The following LRPPRC variants were observed in gnomAD, a reference collection of about 807,000 sequenced individuals.
LRPPRC encodes leucine rich pentatricopeptide repeat containing.
LRPPRC carries 120 observed loss-of-function variants against 180.3 expected under a neutral mutation model. That is an observed-to-expected ratio of 0.67 (90% confidence interval 0.57 to 0.77). The LOEUF (loss-of-function observed/expected upper bound fraction) is 0.77, where lower values mean the gene tolerates loss of function less well. Among genes scored for constraint, LRPPRC ranks in the 30% least tolerant of loss-of-function variants. The pLI, the probability that LRPPRC is intolerant of heterozygous loss-of-function variation, is 0.00. For missense variants in LRPPRC, 2,012 were observed against 1,657.2 expected, an observed-to-expected ratio of 1.21 and a Z score of -3.72; for synonymous variants, 723 against 600.0, an observed-to-expected ratio of 1.21 and a Z score of -3.00.
chr2:43,899,242 C>T lies in LRPPRC; in HGVS notation c.3802G>A (p.Asp1268Asn), dbSNP rs1416711428. The change falls in exon 34 of 38, where the codon GAT becomes AAT. Residue 1268 changes from aspartate to asparagine, a missense_variant. By Grantham distance (23) the Asp-to-Asn change is conservative (BLOSUM62 1). Coordinates refer to ENST00000260665, the MANE Select transcript of LRPPRC (RefSeq NM_133259.4). The part of the protein sequence containing the change: ...FLQLVDAGKV[D>N]DARALLQRCG... ...ACCTGTAGGAGAGCTCTGGCATCAT[C>T]CACCTTGCCTGCATCCACAAGTTGA... The T allele has an allele frequency of 1.2e-6, 2 of 1,613,950 alleles. No individual in the cohort carries two copies. The highest frequency in any genetic ancestry group is 1.1e-5 in the South Asian group (1 of 91,074).
At chr2:43,960,667 T>A (rs768126633) in intron 12 of LRPPRC, 33 bp from the exon 13 acceptor site, 2 of 978,304 alleles carry the variant, frequency 2.0e-6, no homozygotes, top group East Asian at 2.4e-5. Context: ...TGAGAATACA[T>A]CTCAGCTAAC....
chr2:43,948,922 T>C (rs900395691), intron 16 of LRPPRC, among the ~76,000 whole-genome samples: 1 of 152,114 alleles, frequency 6.6e-6, no homozygotes, highest in Non-Finnish European at 1.5e-5. Context: ...CACATAAAAT[T>C]AGAAAGGATT....
Position 43,889,843 on chromosome 2 carries a change from A to G in LRPPRC, c.4019T>C (p.Leu1340Pro). Residue 1340 changes from leucine (L) to proline (P), a missense_variant, in exon 37 of 38, where the codon CTG (leucine) becomes CCG (proline). Coordinates refer to ENST00000260665, the MANE Select transcript of LRPPRC (RefSeq NM_133259.4). ...ATTCTTTGCAGTCAAATGTTCATAC[A>G]GTGCTTTAGCAGATGTGACATCTTT... Reference protein sequence around the residue: ...SEKDVTSAKALYEHLTAKNTK... With the variant: ...SEKDVTSAKAPYEHLTAKNTK... 1.2e-6 allele frequency: 2 copies of G among 1,609,726 alleles called. No individual in the cohort carries two copies. Among genetic ancestry groups the G allele is most frequent in the Non-Finnish European group, 1.7e-6 (2 of 1,175,898 alleles).
rs35197756 is a variant in LRPPRC at position 43,988,236 on chromosome 2, C to CAAA, written c.150-5805_150-5803dup. Among the ~76,000 whole-genome samples, 589 of 95,654 alleles carry CAAA rather than the reference C, an allele frequency of 6.2e-3. 12 individuals carry two copies. Among genetic ancestry groups the CAAA allele is most frequent in the African/African-American group, 0.01 (246 of 24,404 alleles). 62.8% of individuals were successfully genotyped at this position (95,654 alleles called of 152,430 possible). ...AGCCTGGGAGACAGAGACTCTGTCT[C>CAAA]AAAAAAAAAAAAAAAAAAAGCTGGA... On this transcript the variant is annotated intron_variant, in intron 1 of 37. Coordinates refer to ENST00000260665, the MANE Select transcript of LRPPRC (RefSeq NM_133259.4).
At chr2:43,970,564 A>C (rs953746586) in intron 11 of LRPPRC, among the ~76,000 whole-genome samples, 3 of 152,252 alleles carry the variant, frequency 2.0e-5, no homozygotes, top group Non-Finnish European at 4.4e-5. Flanking sequence ...GAACACAGAA[A>C]GTCTAAACTA....
rs1407554267 is a variant in LRPPRC at position 43,886,301 on chromosome 2, T to C, written c.*2299A>G. 2.0e-5 allele frequency among the ~76,000 whole-genome samples: 3 copies of C among 152,176 alleles called. No individual in the cohort carries two copies. The highest frequency in any genetic ancestry group is 2.9e-5 in the Non-Finnish European group (2 of 68,032). The stretch of plus-strand genomic sequence containing the variant: ...TCAAATACATGAACATATAATTATA[T>C]ATAAAATACTATAGTTCTCAATAGT... On this transcript the variant is annotated 3_prime_UTR_variant, in exon 38 of 38. Coordinates refer to ENST00000260665, the MANE Select transcript of LRPPRC (RefSeq NM_133259.4).
chr2:43,976,045 T>C (rs1434429706), intron 6 of LRPPRC, 98 bp downstream of exon 6: 1 of 720,434 alleles, frequency 1.4e-6, no homozygotes, highest in Non-Finnish European at 2.5e-6. Flanking sequence ...TTTTCTCTAA[T>C]TTAAACCCCA....
At chr2:43,948,619 C>G in intron 16 of LRPPRC, 101 bp from the exon 17 acceptor site, 1 of 727,882 alleles carries the variant, frequency 1.4e-6, no homozygotes, top group South Asian at 1.5e-5. Context: ...AGATGTCACC[C>G]TGATGAGAGG....
intron 8 of LRPPRC, 115 bp from the exon 9 acceptor site, chr2:43,974,410 C>A (rs1301369991): frequency 9.2e-6 from 8 of 866,776 alleles, no homozygotes. Context: ...AAGCATATAA[C>A]TGCCTAAATA....
chr2:43,906,679 C>A (rs558950284), intron 30 of LRPPRC, among the ~76,000 whole-genome samples: 1 of 152,164 alleles, frequency 6.6e-6, no homozygotes, highest in East Asian at 1.9e-4. Context: ...TTGCCAACAA[C>A]AGCATGCCCT....
intron 27 of LRPPRC, among the ~76,000 whole-genome samples, chr2:43,923,501 T>C (rs183067372): frequency 6.6e-6 from 1 of 152,154 alleles, no homozygotes; most frequent in Admixed American, 6.5e-5. Flanking sequence ...GCAAAACTAA[T>C]AGTAAAAGTT....
intron 34 of LRPPRC, among the ~76,000 whole-genome samples, chr2:43,897,425 C>T (rs1336462850): frequency 1.3e-5 from 2 of 152,140 alleles, no homozygotes; most frequent in Non-Finnish European, 2.9e-5. Context: ...GAACACTGCT[C>T]TTTCAAAGCT....
intron 21 of LRPPRC, 75 bp downstream of exon 21, chr2:43,946,038 T>C: frequency 7.0e-7 from 1 of 1,420,058 alleles, no homozygotes; most frequent in South Asian, 1.1e-5. Context: ...AGAGTAATAT[T>C]CCATCTAGAT....
rs140597910 is a variant in LRPPRC at position 43,901,221 on chromosome 2, A to G, written c.3569+99T>C. On this transcript the variant is annotated intron_variant, in intron 32 of 37. Transcript: ENST00000260665. Reference sequence around the variant, plus strand: ...CATCAACATTTCCTCTGCAGTTGATAAGGTTTCCACATGTCTAAAAAAGTT... The same window carrying G: ...CATCAACATTTCCTCTGCAGTTGATGAGGTTTCCACATGTCTAAAAAAGTT... 43 of 798,248 alleles carry G rather than the reference A, an allele frequency of 5.4e-5. 1 individual carries two copies. The East Asian group carries it at 1.0e-3, about 19-fold the overall frequency. The allele number at this position is 798,248 out of a possible 1,614,324, so 49.4% of individuals were successfully genotyped here.
chr2:43,930,393 T>A (rs1184175235), intron 25 of LRPPRC, among the ~76,000 whole-genome samples: 1 of 152,202 alleles, frequency 6.6e-6, no homozygotes, highest in Admixed American at 6.5e-5. Flanking sequence ...CCGTAACTAC[T>A]ATACGTTGAG....
chr2:43,979,383 A>G (rs1674200953), intron 3 of LRPPRC, among the ~76,000 whole-genome samples: 1 of 152,162 alleles, frequency 6.6e-6, no homozygotes, highest in Non-Finnish European at 1.5e-5. Context: ...ACAGTAATCT[A>G]TTTTACGGGT....
intron 32 of LRPPRC, among the ~76,000 whole-genome samples, chr2:43,900,217 GA>G (rs1003353164): frequency 2.6e-5 from 4 of 151,694 alleles, no homozygotes; most frequent in Admixed American, 6.6e-5. Context: ...ACTTTACATT[GA>G]AAAAAATCAG....
chr2:43,950,381 T>A (rs752725350), intron 15 of LRPPRC, among the ~76,000 whole-genome samples, 192 bp downstream of exon 15: 1 of 152,142 alleles, frequency 6.6e-6, no homozygotes, highest in Non-Finnish European at 1.5e-5. Flanking sequence ...CCTCCTCCCA[T>A]TGGATTCTTA....
In LRPPRC at chr2:43,937,497, T is replaced by G. The variant is rs955007856; in HGVS notation, c.2505-2619A>C. Among the ~76,000 whole-genome samples, 25 of 152,194 alleles carry G rather than the reference T, an allele frequency of 1.6e-4. 1 individual carries two copies. Among genetic ancestry groups the G allele is most frequent in the African/African-American group, 6.0e-4 (25 of 41,450 alleles). ...TCTTTCATAATAAAGCTTGAAAACT[T>G]AGGTGATGACGGAAATGAAAAATAT... On this transcript the variant is annotated intron_variant, in intron 23 of 37. Transcript: ENST00000260665.
Sources: gnomAD v4.1 joint callset for allele counts (sites outside exome capture counted in the v4.1 genomes callset) on GRCh38, gnomAD v4.1.1 for gene constraint, MANE v1.5 for transcripts, NCBI Gene and HGNC (gene_info 2026-07-23, HGNC 2026-07-21) for gene names.